Variants in MCU observed in about 807,000 individuals in gnomAD.
MCU encodes mitochondrial calcium uniporter.
MCU carries 12 observed loss-of-function variants against 45.2 expected under a neutral mutation model. The ratio of observed to expected loss-of-function variants is 0.27; its 90% CI spans 0.17 to 0.43. The LOEUF (loss-of-function observed/expected upper bound fraction) is 0.43. Ranked by LOEUF, MCU falls within the 20% of genes least tolerant of loss-of-function variation. MCU has a pLI of 1.00. For missense variants in MCU, 324 were observed against 436.7 expected (o/e 0.74, Z 2.30); for synonymous variants, 160 against 165.1 (o/e 0.97, Z 0.24).
At chr10:72,864,949 T>C (rs1017967009) in intron 4 of MCU, among the ~76,000 whole-genome samples, 2 of 152,186 alleles carry the variant, frequency 1.3e-5, no homozygotes, top group Non-Finnish European at 2.9e-5. Context: ...CTGTTTAGAT[T>C]TTCTGTTGGT....
At chr10:72,805,115 C>CTT (rs1268940114) in intron 1 of MCU, among the ~76,000 whole-genome samples, 1 of 127,754 alleles carries the variant, frequency 7.8e-6, no homozygotes, top group East Asian at 2.5e-4. Context: ...TTCTTTCTTT[C>CTT]TTTCTTTCTT....
chr10:72,837,881 C>T (rs1035694986), intron 2 of MCU, among the ~76,000 whole-genome samples: 1 of 146,718 alleles, frequency 6.8e-6, no homozygotes, highest in African/African-American at 2.5e-5. Context: ...TTTTTGAGAC[C>T]GAGTCTCACT....
intron 1 of MCU, among the ~76,000 whole-genome samples, chr10:72,809,954 A>G (rs1164249262): frequency 1.3e-5 from 2 of 152,088 alleles, no homozygotes; most frequent in African/African-American, 4.8e-5. Flanking sequence ...AGTATGAGAA[A>G]TGAGAAAATA....
rs1842713482 is a variant in MCU, at chr10:72,698,141, A to G, written c.150+5840A>G. On this transcript the variant is annotated intron_variant, in intron 1 of 7. Coordinates refer to ENST00000373053, the MANE Select transcript of MCU (RefSeq NM_138357.3). ...TGAATAAATGAACTTGGATATCTTA[A>G]AATTCTGATTATTTGAACTTTTCTA... 2.6e-5 allele frequency among the ~76,000 whole-genome samples: 4 copies of G among 152,262 alleles called. No homozygotes were observed. In the South Asian group the frequency reaches 8.3e-4, roughly 32 times the overall value.
chr10:72,782,258 G>A (rs983847733), intron 1 of MCU, among the ~76,000 whole-genome samples: 14 of 152,118 alleles, frequency 9.2e-5, no homozygotes, highest in Non-Finnish European at 7.4e-5. Context: ...AGAGTGCCCG[G>A]TACCTTCATA....
At chr10:72,719,749 A>G (rs895351287) in intron 1 of MCU, among the ~76,000 whole-genome samples, 6 of 152,236 alleles carry the variant, frequency 3.9e-5, no homozygotes, top group Admixed American at 1.3e-4. Flanking sequence ...TATTACAAAC[A>G]TACAATTATA....
chr10:72,783,255 A>G (rs1034936076), intron 1 of MCU, among the ~76,000 whole-genome samples: 2 of 152,222 alleles, frequency 1.3e-5, no homozygotes, highest in Admixed American at 6.5e-5. Context: ...GAGCCTCCAG[A>G]TACTTTAAAA....
At chr10:72,775,344 TGAAAATG>T (rs1202680952) in intron 1 of MCU, among the ~76,000 whole-genome samples, 1 of 151,682 alleles carries the variant, frequency 6.6e-6, no homozygotes, top group Non-Finnish European at 1.5e-5. Flanking sequence ...CTGAAACAAA[TGAAAATG>T]GAAAATATAA....
At chr10:72,694,113 T>C (rs1449507901) in intron 1 of MCU, among the ~76,000 whole-genome samples, 3 of 152,218 alleles carry the variant, frequency 2.0e-5, no homozygotes, top group Non-Finnish European at 4.4e-5. Context: ...AAACGAAGTG[T>C]TATTTCTAAA....
At chr10:72,725,678 C>A (rs371396233) in intron 1 of MCU, among the ~76,000 whole-genome samples, 48 of 16,690 alleles carry the variant, frequency 2.9e-3, no homozygotes, top group Admixed American at 9.9e-3. Flanking sequence ...CACCTAAGGT[C>A]AGTTCGAGAC....
intron 1 of MCU, among the ~76,000 whole-genome samples, chr10:72,707,876 G>A (rs1228092601): frequency 6.6e-6 from 1 of 151,922 alleles, no homozygotes; most frequent in Non-Finnish European, 1.5e-5. Flanking sequence ...GTCTCACTAT[G>A]TTGTCCAGAC....
At chr10:72,707,822 A>G (rs1210294596) in intron 1 of MCU, among the ~76,000 whole-genome samples, 3 of 152,134 alleles carry the variant, frequency 2.0e-5, no homozygotes, top group Admixed American at 6.6e-5. Flanking sequence ...AGGTGAACCT[A>G]AAGGGCTTTT....
chr10:72,758,522 C>T (rs1344252975), intron 1 of MCU, among the ~76,000 whole-genome samples: 3 of 152,074 alleles, frequency 2.0e-5, no homozygotes, highest in African/African-American at 4.8e-5. Flanking sequence ...AACTGCCACC[C>T]AGAGAAAGGG....
Position 72,751,341 on chromosome 10 carries a change from C to CTTTTTTTTTTTTTTTTTT in MCU, c.150+59053_150+59070dup, listed in dbSNP as rs71021528. 1.8e-4 allele frequency among the ~76,000 whole-genome samples: 8 copies of CTTTTTTTTTTTTTTTTTT among 44,752 alleles called. 1 individual carries two copies. The highest frequency in any genetic ancestry group is 2.9e-4 in the Non-Finnish European group (7 of 23,960). 29.4% of individuals were successfully genotyped at this position (44,752 alleles called of 152,430 possible). ...TTTTCTCTAACATCTTCTTCTTCTT[C>CTTTTTTTTTTTTTTTTTT]TTTTTTTTTTTTTTTTTTTTTTTTT... On this transcript the variant is annotated intron_variant, in intron 1 of 7. Transcript: ENST00000373053.
At chr10:72,695,770 A>G (rs924384815) in intron 1 of MCU, among the ~76,000 whole-genome samples, 1 of 150,230 alleles carries the variant, frequency 6.7e-6, no homozygotes, top group African/African-American at 2.5e-5. Context: ...GAGTTCATTG[A>G]CACTGTCACA....
chr10:72,732,546 G>T (rs1489724271), intron 1 of MCU, among the ~76,000 whole-genome samples: 1 of 152,180 alleles, frequency 6.6e-6, no homozygotes, highest in African/African-American at 2.4e-5. Flanking sequence ...AAACATGATA[G>T]GATCTGGTGA....
chr10:72,873,846 A>G (rs1845582858), intron 6 of MCU, among the ~76,000 whole-genome samples: 1 of 152,186 alleles, frequency 6.6e-6, no homozygotes, highest in Non-Finnish European at 1.5e-5. Flanking sequence ...AGCATCATTT[A>G]TTTAAAAGAT....
At chr10:72,884,068 T>G (rs1845743849) in intron 6 of MCU, among the ~76,000 whole-genome samples, 198 bp from the exon 7 acceptor site, 1 of 152,210 alleles carries the variant, frequency 6.6e-6, no homozygotes, top group African/African-American at 2.4e-5. Context: ...CATTGTGTGA[T>G]GATTCACTGT....
intron 1 of MCU, among the ~76,000 whole-genome samples, chr10:72,819,449 T>C (rs1471398134): frequency 6.6e-6 from 1 of 152,214 alleles, no homozygotes; most frequent in African/African-American, 2.4e-5. Flanking sequence ...TGTTTATTTG[T>C]TTATTTTTTA....
Sources: allele counts gnomAD v4.1 joint callset (sites outside exome capture counted in the v4.1 genomes callset), GRCh38; gene constraint gnomAD v4.1.1; transcripts MANE v1.5; gene names NCBI Gene and HGNC (gene_info 2026-07-23, HGNC 2026-07-21).